The following ITGAL variants were observed in gnomAD, a reference collection of about 807,000 sequenced individuals.
ITGAL encodes the protein integrin alpha-L.
In ITGAL, 68 loss-of-function variants were observed where a neutral mutation model predicts 138.4. That is an observed-to-expected ratio of 0.49 (90% confidence interval 0.40 to 0.60). ITGAL has a LOEUF of 0.60. Ranked by LOEUF, ITGAL falls within the 20% of genes least tolerant of loss-of-function variation. The pLI, the probability that ITGAL is intolerant of heterozygous loss-of-function variation, is 0.00. For missense variants in ITGAL, 1,256 were observed against 1,478.6 expected (o/e 0.85, Z 2.47); for synonymous variants, 561 against 584.3 (o/e 0.96, Z 0.57).
intron 15 of ITGAL, 115 bp from the exon 16 acceptor site, chr16:30,498,959 T>G (rs925272145): frequency 3.3e-5 from 26 of 792,294 alleles, no homozygotes; most frequent in Non-Finnish European, 5.3e-5. Context: ...AGTGACATGT[T>G]GAGGTCTGCT....
In ITGAL at chr16:30,496,173, C is replaced by T. The variant is rs1481103487; in HGVS notation, c.1580C>T (p.Ala527Val). 2 of 1,614,114 alleles carry T rather than the reference C, an allele frequency of 1.2e-6. No homozygotes were observed. Among genetic ancestry groups the T allele is most frequent in the Non-Finnish European group, 1.7e-6 (2 of 1,179,998 alleles). Residue 527 changes from alanine to valine, a missense_variant, in exon 14 of 31, where the codon GCT becomes GTT. Physicochemically the swap from Ala to Val is moderately conservative, Grantham distance 64. This residue lies in a region of ITGAL where 867 missense variants were observed against 972.5 expected (regional missense o/e 0.89). Transcript: ENST00000356798. ...PLGRFGEAIT[A>V]LTDINGDGLV... ...GGGCGGTTTGGAGAAGCCATCACTG[C>T]TCTGACAGACATCAACGGCGATGGG...
chr16:30,484,163 T>G lies in ITGAL; in HGVS notation c.906T>G (p.Phe302Leu). 6.2e-7 allele frequency: 1 copy of G among 1,614,064 alleles called. No homozygotes were observed. The highest frequency in any genetic ancestry group is 8.5e-7 in the Non-Finnish European group (1 of 1,180,022). ...AGAGTCAGGAGACCCTCCACAAATT[T>G]GCATCAAAACCCGCGAGCGAGTTTG... ...TKESQETLHKFASKPASEFVK... is the reference protein window; with the variant it reads ...TKESQETLHKLASKPASEFVK... The change falls in exon 9 of 31, where the codon TTT becomes TTG. Residue 302 changes from phenylalanine to leucine, a missense_variant. Phe to Leu is a conservative substitution (Grantham distance 22). Coordinates refer to ENST00000356798, the MANE Select transcript of ITGAL (RefSeq NM_002209.3).
chr16:30,504,159 T>C lies in ITGAL; in HGVS notation c.2146-16T>C. ...AGTTAGATTCATGACATAGGCTGTA[T>C]TCTTATCACCCTCAGGTATGTGTTC... On this transcript the variant is annotated splice_polypyrimidine_tract_variant and intron_variant, in intron 17 of 30. Coordinates refer to ENST00000356798, the MANE Select transcript of ITGAL (RefSeq NM_002209.3). The C allele has an allele frequency of 1.3e-6, 2 of 1,589,550 alleles. No individual in the cohort carries two copies. The highest frequency in any genetic ancestry group is 1.7e-6 in the Non-Finnish European group (2 of 1,157,702).
In ITGAL at chr16:30,484,239, CAGA is replaced by C. The variant is rs746388365; in HGVS notation, c.989_991del (p.Lys330del). ...GCTGAAAGATCTATTCACTGAGCTG[CAGA>C]AGAAGATCTATGTCATTGAGGGTGA... On this transcript the variant is annotated inframe_deletion, in exon 9 of 31. Transcript: ENST00000356798. 4 of 1,613,968 alleles carry C rather than the reference CAGA, an allele frequency of 2.5e-6. No homozygotes were observed. The highest frequency in any genetic ancestry group is 1.7e-5 in the Admixed American group (1 of 59,974).
At chr16:30,473,935 C>A (rs1449729078) in intron 1 of ITGAL, 1 of 618,268 alleles carries the variant, frequency 1.6e-6, no homozygotes, top group Non-Finnish European at 3.0e-6. Flanking sequence ...TCTCTGGAGC[C>A]TCTAACTTCT....
intron 26 of ITGAL, 120 bp downstream of exon 26, chr16:30,517,206 C>T (rs994860041): frequency 1.5e-6 from 1 of 672,620 alleles, no homozygotes. Flanking sequence ...AATCCCAGCA[C>T]TTTGGGAGGC....
At chr16:30,520,021 G>A (rs937301912) in intron 30 of ITGAL, 54 bp downstream of exon 30, 1 of 1,298,370 alleles carries the variant, frequency 7.7e-7, no homozygotes, top group Admixed American at 1.7e-5. Flanking sequence ...CTGGGGAAGG[G>A]GATCTGGTGG....
Position 30,499,733 on chromosome 16 carries a change from A to ATATATATTT in ITGAL, c.2145+245_2145+246insATATATTTT. Reference sequence around the variant, plus strand: ...TATATGTATATATATATATATATATATTTTTTTTTTTTTGACACAGAGTCT... The same window carrying ATATATATTT: ...TATATGTATATATATATATATATATATATATATTTTTTTTTTTTTTTTGACACAGAGTCT... On this transcript the variant is annotated intron_variant, in intron 17 of 30. Transcript: ENST00000356798. Among the ~76,000 whole-genome samples the ATATATATTT allele has an allele frequency of 1.5e-3, 130 of 88,290 alleles. 1 individual carries two copies. Among genetic ancestry groups the ATATATATTT allele is most frequent in the South Asian group, 2.9e-3 (4 of 1,402 alleles). The allele number at this position is 88,290 out of a possible 152,430, so 57.9% of individuals were successfully genotyped here.
Position 30,494,259 on chromosome 16 carries a change from G to C in ITGAL, c.1261G>C (p.Ala421Pro). 1 of 1,612,928 alleles carries C rather than the reference G, an allele frequency of 6.2e-7. No individual in the cohort carries two copies. The highest frequency in any genetic ancestry group is 8.5e-7 in the Non-Finnish European group (1 of 1,179,156). ...LPSRQKTSLL[A>P]SGAPRYQHMG... Reference sequence around the variant, plus strand: ...CTCCCGGCAAAAGACTTCGTTGCTGGCCTCGGGAGCCCCTCGATACCAGCA... The same window carrying C: ...CTCCCGGCAAAAGACTTCGTTGCTGCCCTCGGGAGCCCCTCGATACCAGCA... The change falls in exon 12 of 31, where the codon GCC (alanine) becomes CCC (proline). Residue 421 changes from alanine (A) to proline (P), a missense_variant. Ala to Pro is a conservative substitution (Grantham distance 27). Transcript: ENST00000356798. The surrounding 1 kb of genome is among the most constrained non-coding windows in gnomAD (Gnocchi z 4.2).
intron 2 of ITGAL, among the ~76,000 whole-genome samples, chr16:30,474,911 T>C (rs888730757): frequency 1.4e-5 from 2 of 146,260 alleles, no homozygotes; most frequent in African/African-American, 2.5e-5. Flanking sequence ...CAGGCTGTAG[T>C]GCAACGGTTA....
intron 9 of ITGAL, among the ~76,000 whole-genome samples, chr16:30,486,633 C>T (rs113711475): frequency 0.032 from 4,894 of 151,870 alleles, 107 homozygotes; most frequent in Non-Finnish European, 0.053. Flanking sequence ...AGCCCAGGGG[C>T]GGGGAAAGGG....
intron 1 of ITGAL, among the ~76,000 whole-genome samples, chr16:30,473,511 C>T (rs2050422597): frequency 6.6e-6 from 1 of 152,168 alleles, no homozygotes; most frequent in African/African-American, 2.4e-5. Flanking sequence ...CTGGGGCCAC[C>T]TCTGCGCGTT....
intron 17 of ITGAL, among the ~76,000 whole-genome samples, chr16:30,499,925 T>G (rs1301437282): frequency 6.7e-6 from 1 of 148,736 alleles, no homozygotes; most frequent in Non-Finnish European, 1.5e-5. Flanking sequence ...ATTTTTGTAT[T>G]TTTGGGAGAG....
intron 17 of ITGAL, among the ~76,000 whole-genome samples, chr16:30,500,681 C>G (rs1241829793): frequency 6.6e-6 from 1 of 152,040 alleles, no homozygotes; most frequent in African/African-American, 2.4e-5. Context: ...TCCCGAGTAG[C>G]TAGGACTACA....
At chr16:30,485,716 A>G (rs2050638254) in intron 9 of ITGAL, among the ~76,000 whole-genome samples, 1 of 142,070 alleles carries the variant, frequency 7.0e-6, no homozygotes. Context: ...TATTTTTTGT[A>G]GAGGCAGGGA....
intron 21 of ITGAL, 128 bp from the exon 22 acceptor site, chr16:30,510,233 C>T (rs1219774833): frequency 3.0e-6 from 2 of 663,274 alleles, no homozygotes; most frequent in Non-Finnish European, 5.5e-6. Flanking sequence ...TTCTTGGGCC[C>T]TTTCCCGCTG....
intron 21 of ITGAL, among the ~76,000 whole-genome samples, chr16:30,509,189 A>AG (rs1419405177): frequency 6.6e-6 from 1 of 151,778 alleles, no homozygotes; most frequent in African/African-American, 2.4e-5. Context: ...AAAAAAAAAA[A>AG]AAAGAGAGAG....
In ITGAL at chr16:30,472,918, G is replaced by C; in HGVS notation, c.61+20G>C. 6 of 1,609,816 alleles carry C rather than the reference G, an allele frequency of 3.7e-6. No individual in the cohort carries two copies. The highest frequency in any genetic ancestry group is 1.7e-6 in the Non-Finnish European group (2 of 1,177,282). On this transcript the variant is annotated intron_variant, in intron 1 of 30. Transcript: ENST00000356798. The stretch of plus-strand genomic sequence containing the variant: ...TCTTCGGTAGGCAAGGGAGGAGGCA[G>C]GGGAAGGGACATGTGTCTGTGACCA...
chr16:30,496,092 C>T lies in ITGAL; in HGVS notation c.1504-5C>T, dbSNP rs371548164. Reference sequence around the variant, plus strand: ...GGGTGTGACCTGTCTCTTGCTACTTCCTAGTTGGGGTTTGAAGAAGTCTCA... The same window carrying T: ...GGGTGTGACCTGTCTCTTGCTACTTTCTAGTTGGGGTTTGAAGAAGTCTCA... On this transcript the variant is annotated splice_region_variant and splice_polypyrimidine_tract_variant and intron_variant, in intron 13 of 30. Transcript: ENST00000356798. 20 of 1,613,130 alleles carry T rather than the reference C, an allele frequency of 1.2e-5. No homozygotes were observed. The African/African-American group carries it at 2.3e-4, about 18-fold the overall frequency.
Sources: allele counts gnomAD v4.1 joint callset (sites outside exome capture counted in the v4.1 genomes callset), GRCh38; gene constraint gnomAD v4.1.1; regional missense constraint gnomAD v4.1.1; non-coding constraint Gnocchi (gnomAD v3.1); transcripts MANE v1.5; gene names NCBI Gene and HGNC (gene_info 2026-07-23, HGNC 2026-07-21).